The following NKIRAS1 variants were observed in gnomAD, a reference collection of about 807,000 sequenced individuals.
The protein encoded by NKIRAS1 is NF-kappa-B inhibitor-interacting Ras-like protein 1.
A neutral mutation model predicts 19.8 loss-of-function variants in NKIRAS1; 16 were observed. That is an observed-to-expected ratio of 0.81 (90% CI 0.55 to 1.23). The LOEUF is 1.23. NKIRAS1 is among the 50% of genes most tolerant of loss of function. The pLI, the probability that NKIRAS1 is intolerant of heterozygous loss-of-function variation, is 0.00. For synonymous variants in NKIRAS1, 88 were observed against 79.0 expected (o/e 1.11, Z -0.61); for missense variants, 184 against 220.0 (o/e 0.84, Z 1.04).
At position 23,926,993 on chromosome 3, in the gene NKIRAS1, C is replaced by T. The variant is rs749455854; in HGVS notation, c.-139-15543G>A. On this transcript the variant is annotated intron_variant, in intron 1 of 4. Coordinates refer to the NKIRAS1 transcript ENST00000421515. The surrounding 1 kb of genome is among the most constrained non-coding windows in gnomAD (Gnocchi z 4.3). ...GCCCCAAACAGGATGAAATCCATGT[C>T]GCAGTTTTTAACCAAGCAACACTCT... Among the ~76,000 whole-genome samples the T allele has an allele frequency of 7.2e-5, 11 of 152,148 alleles. No homozygotes were observed. The highest frequency in any genetic ancestry group is 1.3e-4 in the Admixed American group (2 of 15,266).
intron 1 of NKIRAS1, among the ~76,000 whole-genome samples, chr3:23,941,696 G>A (rs1705500535): frequency 6.6e-6 from 1 of 152,170 alleles, no homozygotes; most frequent in African/African-American, 2.4e-5. Context: ...GCACTGAGGA[G>A]CCCAGCGAAT....
chr3:23,899,000 G>A (rs1190543380), intron 4 of NKIRAS1, among the ~76,000 whole-genome samples: 2 of 152,116 alleles, frequency 1.3e-5, no homozygotes, highest in Non-Finnish European at 2.9e-5. Flanking sequence ...GATCTGAGGT[G>A]GAACAGCTTC....
chr3:23,928,141 C>G (rs984050263), intron 1 of NKIRAS1, among the ~76,000 whole-genome samples: 1 of 151,100 alleles, frequency 6.6e-6, no homozygotes, highest in Non-Finnish European at 1.5e-5. Flanking sequence ...CACACACACA[C>G]AGTTCATCTG....
chr3:23,906,282 C>A (rs1042728685), intron 3 of NKIRAS1, among the ~76,000 whole-genome samples: 4 of 151,832 alleles, frequency 2.6e-5, no homozygotes, highest in African/African-American at 7.3e-5. Flanking sequence ...AATAGATTAT[C>A]TGATGGAGCT....
intron 4 of NKIRAS1, among the ~76,000 whole-genome samples, chr3:23,898,898 T>C (rs1436571968): frequency 6.6e-6 from 1 of 152,126 alleles, no homozygotes; most frequent in Non-Finnish European, 1.5e-5. Flanking sequence ...ATCAGTGGCA[T>C]GAGGTTCTCA....
rs1035276732 is a variant in NKIRAS1 at position 23,890,695 on chromosome 3, T to C, written c.*2400A>G. On this transcript the variant is annotated 3_prime_UTR_variant, in exon 5 of 5. Transcript: ENST00000425478. ...AGGGGTCAGGGAGGGTGGGAGTTGG[T>C]AAAGAGTAGGGTATTTCTATAACAG... 6 of 1,149,230 alleles carry C rather than the reference T, an allele frequency of 5.2e-6. No homozygotes were observed. In the African/African-American group the frequency reaches 9.3e-5, roughly 18 times the overall value. 71.2% of individuals were successfully genotyped at this position (1,149,230 alleles called of 1,614,324 possible). A position where few individuals can be genotyped will look rare whatever the true frequency, so the allele number is the denominator to read the frequency against.
In NKIRAS1 at chr3:23,910,833, G is replaced by A. The variant is rs1703626521; in HGVS notation, c.72C>T (p.Leu24=). 13 of 1,613,630 alleles carry A rather than the reference G, an allele frequency of 8.1e-6. No homozygotes were observed. Among genetic ancestry groups the A allele is most frequent in the Non-Finnish European group, 1.1e-5 (13 of 1,179,622 alleles). The stretch of plus-strand genomic sequence containing the variant: ...TACCAATAGTATGATTTCCATAAAG[G>A]AGCTGCTCCAAAATTGCAGTTTTCC... The part of the protein sequence containing the change: ...SVGKTAILEQ[L]LYGNHTIGME... The change falls in exon 3 of 5, where the codon CTC becomes CTT. Residue 24 remains leucine, a synonymous_variant. Transcript: ENST00000425478.
intron 1 of NKIRAS1, chr3:23,946,262 A>G (rs1705703196): frequency 5.1e-6 from 5 of 985,438 alleles, no homozygotes; most frequent in Non-Finnish European, 6.0e-6. Context: ...AGGTGACCCC[A>G]AGGCGCGGAC....
chr3:23,936,586 G>A lies in NKIRAS1; in HGVS notation c.-140+9737C>T, dbSNP rs547647910. On this transcript the variant is annotated intron_variant, in intron 1 of 4. Transcript: ENST00000421515. ...TTTTGAGACGGAGTCTCCCTCTGTCGCCCAGGCTGGAGTGCAGTGGTGCGA... is the reference window on the plus strand; with the variant it reads ...TTTTGAGACGGAGTCTCCCTCTGTCACCCAGGCTGGAGTGCAGTGGTGCGA... 5.3e-5 allele frequency among the ~76,000 whole-genome samples: 8 copies of A among 151,808 alleles called. No individual in the cohort carries two copies. The South Asian group carries it at 1.7e-3, about 32-fold the overall frequency.
intron 1 of NKIRAS1, among the ~76,000 whole-genome samples, chr3:23,939,571 G>A (rs141735393): frequency 4.5e-4 from 68 of 152,180 alleles, no homozygotes; most frequent in South Asian, 8.3e-4. Flanking sequence ...GTAAAACCCC[G>A]TCTCTATTAA....
chr3:23,940,288 T>C (rs1185725957), intron 1 of NKIRAS1, among the ~76,000 whole-genome samples: 1 of 151,364 alleles, frequency 6.6e-6, no homozygotes, highest in East Asian at 1.9e-4. Context: ...GAAGCTGTAA[T>C]AAGTTATATG....
chr3:23,938,456 C>T (rs1474661845), intron 1 of NKIRAS1, among the ~76,000 whole-genome samples: 1 of 152,164 alleles, frequency 6.6e-6, no homozygotes, highest in Non-Finnish European at 1.5e-5. Flanking sequence ...AGGCCATTCT[C>T]CTGCCTCAGA....
chr3:23,931,150 C>T (rs1195718126), intron 1 of NKIRAS1, among the ~76,000 whole-genome samples: 1 of 152,058 alleles, frequency 6.6e-6, no homozygotes, highest in Non-Finnish European at 1.5e-5. Flanking sequence ...GCTCTAATAC[C>T]GTAAACAGTG....
upstream of NKIRAS1, chr3:23,920,335 C>G: frequency 3.0e-6 from 3 of 985,570 alleles, no homozygotes; most frequent in Non-Finnish European, 2.4e-6. Context: ...TTGGGTTACC[C>G]ACTCTGTCCA....
At chr3:23,905,425 C>G (rs921499578) in intron 3 of NKIRAS1, among the ~76,000 whole-genome samples, 1 of 152,042 alleles carries the variant, frequency 6.6e-6, no homozygotes, top group African/African-American at 2.4e-5. Flanking sequence ...TTTCAAAATT[C>G]CGAAAGTATA....
In NKIRAS1 at chr3:23,946,154, G is replaced by A. The variant is rs1000066365; in HGVS notation, c.-140+169C>T. ...CCCCGCGGGGTTGCACACTGCGGAG[G>A]AGGCCGCGCGTGCGCGCCCGCTGAG... On this transcript the variant is annotated intron_variant, in intron 1 of 4. Coordinates refer to the NKIRAS1 transcript ENST00000421515. 4.1e-5 allele frequency: 40 copies of A among 985,204 alleles called. No individual in the cohort carries two copies. In the African/African-American group the frequency reaches 5.4e-4, roughly 13 times the overall value. 61.0% of individuals were successfully genotyped at this position (985,204 alleles called of 1,614,324 possible). A position where few individuals can be genotyped will look rare whatever the true frequency, so the allele number is the denominator to read the frequency against.
rs1705207625 is a variant in NKIRAS1 at position 23,926,132 on chromosome 3, C to G, written c.-139-14682G>C. 6.6e-6 allele frequency among the ~76,000 whole-genome samples: 1 copy of G among 152,148 alleles called. No individual in the cohort carries two copies. Among genetic ancestry groups the G allele is most frequent in the Non-Finnish European group, 1.5e-5 (1 of 68,032 alleles). On this transcript the variant is annotated intron_variant, in intron 1 of 4. Transcript: ENST00000421515. The surrounding 1 kb of genome is among the most constrained non-coding windows in gnomAD (Gnocchi z 4.3). The stretch of plus-strand genomic sequence containing the variant: ...GTGGCACAATCTTGGCTCACTGTAA[C>G]CTCTGCCTCCCAGGTTCAAGCAATT...
At chr3:23,931,521 C>T (rs1314079724) in intron 1 of NKIRAS1, among the ~76,000 whole-genome samples, 2 of 152,172 alleles carry the variant, frequency 1.3e-5, no homozygotes, top group African/African-American at 2.4e-5. Context: ...ACTTCCTTGT[C>T]TCCCTTCCCT....
intron 4 of NKIRAS1, among the ~76,000 whole-genome samples, chr3:23,898,928 T>C (rs890041576): frequency 1.2e-4 from 19 of 152,134 alleles, no homozygotes; most frequent in Admixed American, 6.5e-5. Flanking sequence ...GAGAATCAAA[T>C]TGTGAACTGC....
Sources: gnomAD v4.1 joint callset for allele counts (sites outside exome capture counted in the v4.1 genomes callset) on GRCh38, gnomAD v4.1.1 for gene constraint, Gnocchi (gnomAD v3.1) non-coding constraint, MANE v1.5 for transcripts, NCBI Gene and HGNC (gene_info 2026-07-23, HGNC 2026-07-21) for gene names.